Variants in ELAVL4 observed in about 807,000 individuals in gnomAD.
ELAVL4 encodes ELAV like RNA binding protein 4.
A neutral mutation model predicts 35.6 loss-of-function variants in ELAVL4; 1 was observed. The observed-to-expected ratio is 0.03, with a 90% CI of 0.01 to 0.13. The LOEUF is 0.13. ELAVL4 is among the 10% of genes least tolerant of loss of function. The probability of loss-of-function intolerance (pLI) is 1.00; values close to 1 mark genes in which losing one functional copy is unlikely to be tolerated. For synonymous variants in ELAVL4, 156 were observed against 171.0 expected, an observed-to-expected ratio of 0.91 and a Z score of 0.69; for missense variants, 267 against 464.9, an observed-to-expected ratio of 0.57 and a Z score of 3.91.
Position 50,177,203 on chromosome 1 carries a change from A to C in ELAVL4, c.354+11A>C. ...ACCAAAACCATAAAGGTAAGAGGTGATGTGCTGGCTCCTGATTCAGGAGGC... is the reference window on the plus strand; with the variant it reads ...ACCAAAACCATAAAGGTAAGAGGTGCTGTGCTGGCTCCTGATTCAGGAGGC... On this transcript the variant is annotated intron_variant, in intron 3 of 6. Transcript: ENST00000371824. 2 of 1,600,342 alleles carry C rather than the reference A, an allele frequency of 1.2e-6. No individual in the cohort carries two copies. The highest frequency in any genetic ancestry group is 1.1e-5 in the South Asian group (1 of 90,622).
intron 1 of ELAVL4, among the ~76,000 whole-genome samples, chr1:50,090,399 A>G (rs1467964704): frequency 1.3e-5 from 2 of 152,210 alleles, no homozygotes; most frequent in African/African-American, 2.4e-5. Context: ...GTGTGCCACT[A>G]GGCTTCTAAG....
At chr1:50,105,350 T>A (rs774983735), upstream of ELAVL4, among the ~76,000 whole-genome samples, 1 of 152,246 alleles carries the variant, frequency 6.6e-6, no homozygotes. Context: ...CATCCTTTGC[T>A]GAATGAAACA....
At chr1:50,136,944 T>C (rs1384283624) in intron 1 of ELAVL4, among the ~76,000 whole-genome samples, 1 of 152,192 alleles carries the variant, frequency 6.6e-6, no homozygotes, top group Non-Finnish European at 1.5e-5. Flanking sequence ...ATTCCTGTAA[T>C]GTAAAGTTGT....
Position 50,138,545 on chromosome 1 carries a change from C to T in ELAVL4, c.10-6412C>T, listed in dbSNP as rs760432903. Reference sequence around the variant, plus strand: ...CGTGATCTCGGCTCACTGCAACCACCGCCTTCCAGGTTCAAGTGATTCTCC... The same window carrying T: ...CGTGATCTCGGCTCACTGCAACCACTGCCTTCCAGGTTCAAGTGATTCTCC... On this transcript the variant is annotated intron_variant, in intron 1 of 6. Transcript: ENST00000371824. 2.6e-5 allele frequency among the ~76,000 whole-genome samples: 4 copies of T among 151,934 alleles called. No individual in the cohort carries two copies. In the East Asian group the frequency reaches 5.8e-4, roughly 22 times the overall value.
At chr1:50,165,548 T>C (rs912281680) in intron 2 of ELAVL4, among the ~76,000 whole-genome samples, 2 of 149,012 alleles carry the variant, frequency 1.3e-5, no homozygotes, top group African/African-American at 4.9e-5. Flanking sequence ...TATGTATATA[T>C]AGTATATATG....
At chr1:50,058,406 T>C (rs996137118) in intron 1 of ELAVL4, among the ~76,000 whole-genome samples, 2 of 152,056 alleles carry the variant, frequency 1.3e-5, no homozygotes, top group Non-Finnish European at 2.9e-5. Flanking sequence ...AAAAATTAAA[T>C]GGGAAATTTT....
At chr1:50,093,085 A>G (rs1665564175) in intron 1 of ELAVL4, among the ~76,000 whole-genome samples, 2 of 152,214 alleles carry the variant, frequency 1.3e-5, no homozygotes. Flanking sequence ...GAATGAATTT[A>G]TTGAAATTAA....
intron 6 of ELAVL4, among the ~76,000 whole-genome samples, chr1:50,197,774 G>A (rs768929203): frequency 6.6e-6 from 1 of 152,210 alleles, no homozygotes; most frequent in Non-Finnish European, 1.5e-5. Context: ...AAGGGGAAAG[G>A]CTCCGACTCT....
chr1:50,074,108 T>C (rs765542826), intron 1 of ELAVL4, among the ~76,000 whole-genome samples: 7 of 152,206 alleles, frequency 4.6e-5, no homozygotes, highest in Middle Eastern at 3.2e-3. Context: ...GGGCCATAGA[T>C]GTGCTGGCCT....
intron 1 of ELAVL4, among the ~76,000 whole-genome samples, chr1:50,129,240 T>C (rs867294564): frequency 2.0e-5 from 3 of 152,118 alleles, no homozygotes; most frequent in East Asian, 1.9e-4. Context: ...AAAAATCCTC[T>C]GGAAGTGCAT....
chr1:50,070,984 C>T (rs1320117707), intron 1 of ELAVL4, among the ~76,000 whole-genome samples: 1 of 152,138 alleles, frequency 6.6e-6, no homozygotes, highest in Non-Finnish European at 1.5e-5. Flanking sequence ...ACTTCAGTCT[C>T]ACTGGCCCTC....
At chr1:50,107,659 T>C (rs1366130374), upstream of ELAVL4, among the ~76,000 whole-genome samples, 6 of 152,246 alleles carry the variant, frequency 3.9e-5, no homozygotes, top group Non-Finnish European at 1.5e-5. Context: ...GATTAAAGAT[T>C]ACATTGAATT....
intron 1 of ELAVL4, among the ~76,000 whole-genome samples, chr1:50,054,563 T>G (rs1420855076): frequency 6.6e-6 from 1 of 152,156 alleles, no homozygotes; most frequent in African/African-American, 2.4e-5. Context: ...TAGATTGGTA[T>G]TATTCTTTTT....
intron 1 of ELAVL4, among the ~76,000 whole-genome samples, chr1:50,071,539 CACAT>C (rs1664516150): frequency 6.6e-6 from 1 of 152,272 alleles, no homozygotes; most frequent in Middle Eastern, 3.4e-3. Context: ...ACCACATAGC[CACAT>C]ACACAAAAGA....
chr1:50,149,542 C>CTTT (rs754451042), intron 2 of ELAVL4, among the ~76,000 whole-genome samples: 15 of 126,456 alleles, frequency 1.2e-4, no homozygotes, highest in Admixed American at 1.6e-4. Flanking sequence ...ATGCATTGTC[C>CTTT]TTTTTTTTTT....
chr1:50,134,481 C>A (rs1399438115), intron 1 of ELAVL4, among the ~76,000 whole-genome samples: 1 of 152,104 alleles, frequency 6.6e-6, no homozygotes, highest in African/African-American at 2.4e-5. Context: ...GTTATTTTAT[C>A]CACATTAAAC....
intron 3 of ELAVL4, among the ~76,000 whole-genome samples, chr1:50,183,261 A>T: frequency 6.6e-6 from 1 of 152,158 alleles, no homozygotes; most frequent in Non-Finnish European, 1.5e-5. Flanking sequence ...TTAAAATATG[A>T]TTTTAAATGA....
upstream of ELAVL4, among the ~76,000 whole-genome samples, chr1:50,100,685 A>C (rs1352065915): frequency 6.6e-6 from 1 of 152,200 alleles, no homozygotes; most frequent in Non-Finnish European, 1.5e-5. Context: ...AGCTCCTTGA[A>C]GGTGGGGACT....
intron 1 of ELAVL4, among the ~76,000 whole-genome samples, chr1:50,122,841 T>G (rs1669257960): frequency 6.6e-6 from 1 of 152,150 alleles, no homozygotes; most frequent in Non-Finnish European, 1.5e-5. Flanking sequence ...AAGCAAGTTA[T>G]ATTACCTCTC....
Sources: allele counts gnomAD v4.1 joint callset (sites outside exome capture counted in the v4.1 genomes callset), GRCh38; gene constraint gnomAD v4.1.1; transcripts MANE v1.5; gene names NCBI Gene and HGNC (gene_info 2026-07-23, HGNC 2026-07-21).